The following SEMA3A variants were observed in gnomAD, a reference collection of about 807,000 sequenced individuals.
SEMA3A encodes semaphorin-3A.
In SEMA3A, 29 loss-of-function variants were observed where a neutral mutation model predicts 97.9. That is an observed-to-expected ratio of 0.30 (90% CI 0.22 to 0.40). SEMA3A has a LOEUF of 0.40. Among genes scored for constraint, SEMA3A ranks in the 10% least tolerant of loss-of-function variants. SEMA3A has a pLI of 1.00. For synonymous variants in SEMA3A, 321 were observed against 323.7 expected (o/e 0.99, Z 0.09); for missense variants, 763 against 951.3 (o/e 0.80, Z 2.60).
chr7:84,120,551 C>A (rs1795578843), intron 3 of SEMA3A, among the ~76,000 whole-genome samples: 1 of 152,126 alleles, frequency 6.6e-6, no homozygotes. Flanking sequence ...CAGATACAGA[C>A]ATACACAGGT....
chr7:84,466,404 C>A (rs970709127), intron 1 of SEMA3A, among the ~76,000 whole-genome samples: 1 of 152,038 alleles, frequency 6.6e-6, no homozygotes, highest in African/African-American at 2.4e-5. Context: ...AACTCCTGAC[C>A]TCAGGTGATC....
intron 4 of SEMA3A, among the ~76,000 whole-genome samples, chr7:84,079,053 A>C (rs980342668): frequency 6.6e-6 from 1 of 151,974 alleles, no homozygotes; most frequent in Non-Finnish European, 1.5e-5. Context: ...AATTTCTCTC[A>C]CTGGTAAAAA....
At position 84,237,676 on chromosome 7, in the gene SEMA3A, G is replaced by C. The variant is rs576936294; in HGVS notation, c.-82-43008C>G. On this transcript the variant is annotated intron_variant, in intron 3 of 3. Transcript: ENST00000424555. ...TTCTTAACATGAATCACCCAGCAAA[G>C]GGTGATTCATGAAATCACTGAGTTT... is the stretch of plus-strand genomic sequence containing the variant. Among the ~76,000 whole-genome samples the C allele has an allele frequency of 7.2e-5, 11 of 152,158 alleles. No homozygotes were observed. In the South Asian group the frequency reaches 2.3e-3, roughly 32 times the overall value.
chr7:84,261,662 G>A (rs747199198), intron 3 of SEMA3A, among the ~76,000 whole-genome samples: 45 of 152,214 alleles, frequency 3.0e-4, no homozygotes, highest in Non-Finnish European at 5.6e-4. Context: ...CAGCTGGCAT[G>A]CTTGGCTGTG....
chr7:84,403,481 CG>C (rs1562934463), intron 1 of SEMA3A, among the ~76,000 whole-genome samples: 1 of 152,162 alleles, frequency 6.6e-6, no homozygotes, highest in Admixed American at 6.5e-5. Flanking sequence ...AGGGCACAGA[CG>C]AACAAAAGAT....
chr7:84,319,391 C>T (rs1584236119), intron 2 of SEMA3A, among the ~76,000 whole-genome samples: 1 of 129,756 alleles, frequency 7.7e-6, no homozygotes, highest in Non-Finnish European at 1.7e-5. Flanking sequence ...GTCTGGTGCA[C>T]CAAACAGGAA....
At chr7:84,450,367 T>C (rs1038037883) in intron 1 of SEMA3A, among the ~76,000 whole-genome samples, 1 of 152,176 alleles carries the variant, frequency 6.6e-6, no homozygotes, top group African/African-American at 2.4e-5. Context: ...AATGCCACAT[T>C]CTGAGATGAA....
At chr7:84,134,630 G>A (rs536720542) in intron 2 of SEMA3A, among the ~76,000 whole-genome samples, 164 bp downstream of exon 2, 10 of 152,024 alleles carry the variant, frequency 6.6e-5, no homozygotes, top group Admixed American at 2.0e-4. Flanking sequence ...TTGATTTATT[G>A]CATCCATTGA....
At chr7:84,214,373 A>G (rs1048664764) in intron 3 of SEMA3A, among the ~76,000 whole-genome samples, 7 of 152,164 alleles carry the variant, frequency 4.6e-5, no homozygotes, top group Non-Finnish European at 8.8e-5. Flanking sequence ...TATATAAAGG[A>G]TTATATTTTT....
At chr7:84,145,419 T>C (rs1317127325) in intron 1 of SEMA3A, among the ~76,000 whole-genome samples, 1 of 152,148 alleles carries the variant, frequency 6.6e-6, no homozygotes, top group Admixed American at 6.6e-5. Flanking sequence ...CATTATTTTT[T>C]TAATGCAACA....
At chr7:84,396,446 T>C (rs138639479) in intron 1 of SEMA3A, among the ~76,000 whole-genome samples, 3 of 152,066 alleles carry the variant, frequency 2.0e-5, no homozygotes, top group Non-Finnish European at 4.4e-5. Context: ...CAAGAAAAGA[T>C]AGATCTTTTG....
At chr7:84,000,925 A>T (rs1790417999) in intron 12 of SEMA3A, among the ~76,000 whole-genome samples, 1 of 152,116 alleles carries the variant, frequency 6.6e-6, no homozygotes, top group South Asian at 2.1e-4. Flanking sequence ...TAAAATATTG[A>T]ATCAACTGAA....
intron 1 of SEMA3A, among the ~76,000 whole-genome samples, chr7:84,427,887 T>C (rs1804869959): frequency 2.6e-5 from 4 of 152,000 alleles, no homozygotes; most frequent in Non-Finnish European, 4.4e-5. Flanking sequence ...AGTGTATTAC[T>C]ACTTCCCATT....
At chr7:84,002,104 G>A (rs1055597338) in intron 11 of SEMA3A, 58 bp from the exon 12 acceptor site, 2 of 908,864 alleles carry the variant, frequency 2.2e-6, no homozygotes, top group South Asian at 1.5e-5. Context: ...AGAGATTAGT[G>A]TTAATGAATG....
chr7:84,424,075 CA>C (rs1272947154), intron 1 of SEMA3A, among the ~76,000 whole-genome samples: 1 of 151,438 alleles, frequency 6.6e-6, no homozygotes, highest in Non-Finnish European at 1.5e-5. Flanking sequence ...CTATGGAAAA[CA>C]GTATGAAAGT....
intron 3 of SEMA3A, among the ~76,000 whole-genome samples, chr7:84,244,781 A>T (rs1377686257): frequency 3.3e-5 from 5 of 151,784 alleles, no homozygotes; most frequent in African/African-American, 1.2e-4. Flanking sequence ...GACAGGCCTG[A>T]TGGTGATTTT....
rs550521026 is a variant in SEMA3A, at chr7:84,210,671, T to C, written c.-82-16003A>G. ...GGAATATGGTTGCAGTGTGGAGTGA[T>C]GTATTTACTAGGAACAAACATGGAA... is the stretch of plus-strand genomic sequence containing the variant. On this transcript the variant is annotated intron_variant, in intron 3 of 3. Transcript: ENST00000424555. Among the ~76,000 whole-genome samples, 4 of 152,308 alleles carry C rather than the reference T, an allele frequency of 2.6e-5. No individual in the cohort carries two copies. In the East Asian group the frequency reaches 7.7e-4, roughly 29 times the overall value.
At chr7:84,238,680 G>T (rs1799290637) in intron 3 of SEMA3A, among the ~76,000 whole-genome samples, 1 of 151,722 alleles carries the variant, frequency 6.6e-6, no homozygotes, top group Non-Finnish European at 1.5e-5. Context: ...GCACATGTAG[G>T]CATCTCTCTC....
intron 3 of SEMA3A, among the ~76,000 whole-genome samples, chr7:84,215,065 G>T (rs951904960): frequency 3.3e-5 from 5 of 151,988 alleles, no homozygotes; most frequent in Non-Finnish European, 5.9e-5. Context: ...TAGAGACAGG[G>T]TTTCACCATG....
Sources: gnomAD v4.1 joint callset for allele counts (sites outside exome capture counted in the v4.1 genomes callset) on GRCh38, gnomAD v4.1.1 for gene constraint, MANE v1.5 for transcripts, NCBI Gene and HGNC (gene_info 2026-07-23, HGNC 2026-07-21) for gene names.